STARD10: variants seen among roughly 807,000 people sequenced by gnomAD.
The protein encoded by STARD10 is StAR related lipid transfer domain containing 10.
In STARD10, 24 loss-of-function variants were observed where a neutral mutation model predicts 36.0. The ratio of observed to expected loss-of-function variants is 0.67; its 90% CI spans 0.48 to 0.94. STARD10 has a LOEUF of 0.94. Ranked by LOEUF, STARD10 falls within the 40% of genes least tolerant of loss-of-function variation. The pLI is 0.00. For missense variants in STARD10, 335 were observed against 396.6 expected, an observed-to-expected ratio of 0.84 and a Z score of 1.32; for synonymous variants, 156 against 161.9, an observed-to-expected ratio of 0.96 and a Z score of 0.28.
chr11:72,780,858 A>G, intron 2 of STARD10, 117 bp downstream of exon 2: 1 of 1,095,656 alleles, frequency 9.1e-7, no homozygotes, highest in South Asian at 1.4e-5. Flanking sequence ...CTGGAAGGAG[A>G]CTCTCTCTGG....
At chr11:72,755,438 G>C in intron 6 of STARD10, 1 of 566,532 alleles carries the variant, frequency 1.8e-6, no homozygotes, top group Admixed American at 2.9e-5. Context: ...AGCCTCCCGA[G>C]TAGCTGGGAT....
At chr11:72,757,949 A>C in intron 4 of STARD10, 65 bp from the exon 5 acceptor site, 1 of 1,417,622 alleles carries the variant, frequency 7.1e-7, no homozygotes, top group Non-Finnish European at 1.0e-6. Flanking sequence ...TTTTGTGAGT[A>C]TACACAAACG....
At chr11:72,764,478 A>C (rs1858760387) in intron 2 of STARD10, among the ~76,000 whole-genome samples, 1 of 152,230 alleles carries the variant, frequency 6.6e-6, no homozygotes, top group Non-Finnish European at 1.5e-5. Context: ...AGAGAGTAAG[A>C]ACCTTTGCTG....
intron 2 of STARD10, among the ~76,000 whole-genome samples, chr11:72,779,283 CCT>C (rs373455426): frequency 1.5e-4 from 23 of 152,322 alleles, no homozygotes; most frequent in African/African-American, 5.1e-4. Flanking sequence ...TTTCCTCCCC[CCT>C]CTCTTCCACC....
chr11:72,789,014 C>G (rs560388416), intron 1 of STARD10, among the ~76,000 whole-genome samples: 2 of 152,132 alleles, frequency 1.3e-5, no homozygotes, highest in African/African-American at 4.8e-5. Flanking sequence ...CACTGCCACG[C>G]CCAGCTAACT....
chr11:72,757,592 C>A (rs1261379455), intron 5 of STARD10, among the ~76,000 whole-genome samples, 175 bp downstream of exon 5: 1 of 152,264 alleles, frequency 6.6e-6, no homozygotes, highest in Admixed American at 6.5e-5. Context: ...CTGGCCCACT[C>A]TTTTCAAACC....
chr11:72,759,038 A>C (rs892260120), intron 3 of STARD10, among the ~76,000 whole-genome samples, 196 bp downstream of exon 3: 2 of 152,156 alleles, frequency 1.3e-5, no homozygotes, highest in East Asian at 3.8e-4. Context: ...GTGAGTGCAT[A>C]TGTATTTGTA....
intron 2 of STARD10, among the ~76,000 whole-genome samples, chr11:72,773,368 G>C (rs1299875187): frequency 6.6e-6 from 1 of 152,342 alleles, no homozygotes; most frequent in Non-Finnish European, 1.5e-5. Context: ...GGCAGGACAG[G>C]GGGCTTCAGA....
intron 2 of STARD10, among the ~76,000 whole-genome samples, chr11:72,768,676 C>G (rs1338699133): frequency 6.6e-6 from 1 of 152,252 alleles, no homozygotes; most frequent in East Asian, 1.9e-4. Context: ...GTCCAGGCAG[C>G]CTGCCCTATC....
chr11:72,755,891 A>G, intron 5 of STARD10, 138 bp from the exon 6 acceptor site: 4 of 718,910 alleles, frequency 5.6e-6, no homozygotes, highest in Non-Finnish European at 9.1e-6. Context: ...GGCAAGTCCT[A>G]CAAGCCTTTA....
At chr11:72,761,042 C>G (rs1291744278) in intron 2 of STARD10, among the ~76,000 whole-genome samples, 1 of 152,202 alleles carries the variant, frequency 6.6e-6, no homozygotes, top group Non-Finnish European at 1.5e-5. Context: ...GGCCTTGGCC[C>G]CACTAATGGT....
chr11:72,791,085 C>T (rs1035769376), intron 1 of STARD10, among the ~76,000 whole-genome samples: 2 of 152,160 alleles, frequency 1.3e-5, no homozygotes, highest in Admixed American at 6.5e-5. Context: ...TATAGGTAAA[C>T]CTTGATAACA....
intron 2 of STARD10, among the ~76,000 whole-genome samples, chr11:72,773,416 C>T (rs368946576): frequency 6.6e-6 from 1 of 152,166 alleles, no homozygotes; most frequent in Non-Finnish European, 1.5e-5. Flanking sequence ...GAGCCAGGGG[C>T]GGGAGCTGCC....
chr11:72,792,193 G>A (rs1859154562), intron 1 of STARD10, among the ~76,000 whole-genome samples: 2 of 151,564 alleles, frequency 1.3e-5, no homozygotes, highest in South Asian at 2.1e-4. Flanking sequence ...GGGACTACAG[G>A]TGCCCGCCAC....
intron 2 of STARD10, chr11:72,766,100 C>G (rs1331343583): frequency 1.3e-5 from 2 of 152,032 alleles, no homozygotes; most frequent in Non-Finnish European, 1.5e-5. Context: ...CTCACTACTG[C>G]ATTTGACTAG....
intron 2 of STARD10, among the ~76,000 whole-genome samples, chr11:72,777,955 A>AG (rs766916687): frequency 6.6e-6 from 1 of 152,058 alleles, no homozygotes; most frequent in Non-Finnish European, 1.5e-5. Flanking sequence ...GGAGGGGGAA[A>AG]GGGGGGCAGA....
intron 2 of STARD10, among the ~76,000 whole-genome samples, chr11:72,773,601 C>G (rs1181167474): frequency 6.6e-6 from 1 of 152,216 alleles, no homozygotes; most frequent in South Asian, 2.1e-4. Flanking sequence ...AGGCCCCTGT[C>G]CCGGGGCTGT....
chr11:72,759,797 G>A (rs1265885602), intron 2 of STARD10, among the ~76,000 whole-genome samples: 5 of 152,170 alleles, frequency 3.3e-5, no homozygotes, highest in Non-Finnish European at 7.3e-5. Flanking sequence ...AATGAAAGTC[G>A]AATGCCAAAG....
intron 2 of STARD10, among the ~76,000 whole-genome samples, chr11:72,764,668 C>A (rs961672238): frequency 6.6e-6 from 1 of 152,172 alleles, no homozygotes; most frequent in African/African-American, 2.4e-5. Flanking sequence ...TGGCCACGCC[C>A]CAAAGGTGTA....
Sources: gnomAD v4.1 joint callset for allele counts (sites outside exome capture counted in the v4.1 genomes callset) on GRCh38, gnomAD v4.1.1 for gene constraint, MANE v1.5 for transcripts, NCBI Gene and HGNC (gene_info 2026-07-23, HGNC 2026-07-21) for gene names.